The following RUNDC3B variants were observed in gnomAD, a reference collection of about 807,000 sequenced individuals.
RUNDC3B encodes RUN domain containing 3B, also known as RUN domain-containing protein 3B.
RUNDC3B carries 33 observed loss-of-function variants against 58.4 expected under a neutral mutation model. The ratio of observed to expected loss-of-function variants is 0.56; its 90% CI spans 0.43 to 0.75. The LOEUF (loss-of-function observed/expected upper bound fraction) is 0.75, where lower values mean the gene tolerates loss of function less well. RUNDC3B is among the 30% of genes least tolerant of loss of function. RUNDC3B has a pLI of 0.00. For synonymous variants in RUNDC3B, 193 were observed against 195.2 expected, an observed-to-expected ratio of 0.99 and a Z score of 0.10; for missense variants, 501 against 535.7, an observed-to-expected ratio of 0.94 and a Z score of 0.64.
At chr7:87,735,446 A>T (rs1831869854) in intron 4 of RUNDC3B, among the ~76,000 whole-genome samples, 1 of 152,198 alleles carries the variant, frequency 6.6e-6, no homozygotes, top group African/African-American at 2.4e-5. Flanking sequence ...GCTCCTACTT[A>T]AAACATTGAA....
intron 1 of RUNDC3B, among the ~76,000 whole-genome samples, chr7:87,642,794 A>T (rs1244071014): frequency 1.3e-5 from 2 of 152,186 alleles, no homozygotes; most frequent in Non-Finnish European, 2.9e-5. Context: ...GCAATACAAG[A>T]TGTTAATAAT....
intron 8 of RUNDC3B, among the ~76,000 whole-genome samples, chr7:87,798,592 T>C (rs1050337739): frequency 6.6e-6 from 1 of 152,236 alleles, no homozygotes; most frequent in Non-Finnish European, 1.5e-5. Flanking sequence ...CAAGCTCATC[T>C]TGTATATTTA....
In RUNDC3B at chr7:87,681,634, G is replaced by A. The variant is rs368374661; in HGVS notation, c.239-18787G>A. Among the ~76,000 whole-genome samples the A allele has an allele frequency of 2.2e-4, 33 of 150,656 alleles. 2 individuals carry two copies. The East Asian group carries it at 3.8e-3, about 17-fold the overall frequency. On this transcript the variant is annotated intron_variant, in intron 2 of 10. Transcript: ENST00000394654. ...TCAGCAAGTCATTACCTTTTTGCTG[G>A]TGGAGGGTCTTGCCTCAATATTGAT... is the stretch of plus-strand genomic sequence containing the variant.
At chr7:87,729,243 CA>C (rs201849982) in intron 4 of RUNDC3B, among the ~76,000 whole-genome samples, 9 of 149,898 alleles carry the variant, frequency 6.0e-5, no homozygotes, top group Non-Finnish European at 1.3e-4. Flanking sequence ...ACTATCCGAA[CA>C]AAAAAAAACA....
intron 6 of RUNDC3B, among the ~76,000 whole-genome samples, chr7:87,752,185 T>C (rs1318062747): frequency 6.6e-6 from 1 of 152,230 alleles, no homozygotes; most frequent in African/African-American, 2.4e-5. Flanking sequence ...ATTTATTGAT[T>C]TGTGTATATG....
At chr7:87,816,833 G>A (rs1182074502) in intron 10 of RUNDC3B, among the ~76,000 whole-genome samples, 1 of 152,106 alleles carries the variant, frequency 6.6e-6, no homozygotes, top group Non-Finnish European at 1.5e-5. Flanking sequence ...AGGCTAGTTT[G>A]AATTATATGG....
chr7:87,782,885 C>G (rs1336612825), intron 8 of RUNDC3B, among the ~76,000 whole-genome samples: 8 of 152,050 alleles, frequency 5.3e-5, no homozygotes, highest in Admixed American at 5.2e-4. Context: ...TATGGCCAAG[C>G]ATGTGGTCAA....
At chr7:87,824,868 G>A (rs995487539) in intron 10 of RUNDC3B, among the ~76,000 whole-genome samples, 5 of 152,156 alleles carry the variant, frequency 3.3e-5, no homozygotes, top group Admixed American at 3.3e-4. Flanking sequence ...CTTTGAACTT[G>A]AAAGAGATGA....
chr7:87,770,560 T>C lies in RUNDC3B; in HGVS notation c.630-21T>C, dbSNP rs1417054377. The C allele has an allele frequency of 1.9e-6, 3 of 1,588,654 alleles. No homozygotes were observed. The Admixed American group carries it at 5.4e-5, about 29-fold the overall frequency. On this transcript the variant is annotated intron_variant, in intron 6 of 10. Coordinates refer to ENST00000394654, the MANE Select transcript of RUNDC3B (RefSeq NM_001134405.2). The stretch of plus-strand genomic sequence containing the variant: ...GTTGGAACATATTTTTAACTTTTTT[T>C]TAAAATTTTGATCTTCCCAGTTCTG...
At chr7:87,704,769 G>A (rs1829438991) in intron 3 of RUNDC3B, among the ~76,000 whole-genome samples, 1 of 152,130 alleles carries the variant, frequency 6.6e-6, no homozygotes, top group South Asian at 2.1e-4. Flanking sequence ...AGTTATGCTG[G>A]GAAGAGTCTG....
chr7:87,708,754 A>G (rs1829820217), intron 3 of RUNDC3B, among the ~76,000 whole-genome samples: 1 of 152,070 alleles, frequency 6.6e-6, no homozygotes, highest in Non-Finnish European at 1.5e-5. Context: ...TGGTAAAATG[A>G]ATTTCTTCTC....
intron 2 of RUNDC3B, among the ~76,000 whole-genome samples, chr7:87,671,774 T>TTCCGGTTGCC (rs1825846735): frequency 6.6e-6 from 1 of 152,114 alleles, no homozygotes; most frequent in Admixed American, 6.5e-5. Context: ...GGAGGTCCAC[T>TTCCGGTTGCC]TCAGCCCCCG....
intron 10 of RUNDC3B, among the ~76,000 whole-genome samples, chr7:87,822,474 G>C (rs1371266764): frequency 6.6e-6 from 1 of 152,194 alleles, no homozygotes; most frequent in African/African-American, 2.4e-5. Flanking sequence ...GTGGAAGTCA[G>C]TGTGGCTATT....
At chr7:87,758,461 A>C (rs1833495517) in intron 6 of RUNDC3B, among the ~76,000 whole-genome samples, 1 of 152,234 alleles carries the variant, frequency 6.6e-6, no homozygotes, top group Non-Finnish European at 1.5e-5. Flanking sequence ...CAACCAAAGC[A>C]AAAATGGACA....
intron 8 of RUNDC3B, among the ~76,000 whole-genome samples, chr7:87,805,012 G>A (rs2130930243): frequency 6.6e-6 from 1 of 152,240 alleles, no homozygotes; most frequent in South Asian, 2.1e-4. Context: ...CAATTCTTGT[G>A]CACAAATAGA....
chr7:87,679,896 C>T (rs1826755307), intron 2 of RUNDC3B, among the ~76,000 whole-genome samples: 1 of 150,554 alleles, frequency 6.6e-6, no homozygotes, highest in Admixed American at 6.6e-5. Flanking sequence ...TCTGAAAAAT[C>T]ACCAAATGTT....
intron 6 of RUNDC3B, among the ~76,000 whole-genome samples, chr7:87,770,348 C>T (rs1161301874): frequency 6.6e-6 from 1 of 152,038 alleles, no homozygotes; most frequent in African/African-American, 2.4e-5. Flanking sequence ...TATCTGTAAA[C>T]CCACTTGAAC....
At chr7:87,794,625 C>CAA (rs199533628) in intron 8 of RUNDC3B, among the ~76,000 whole-genome samples, 2 of 122,528 alleles carry the variant, frequency 1.6e-5, no homozygotes, top group African/African-American at 2.8e-5. Flanking sequence ...TTTATAGAAA[C>CAA]AAAAAAAAAA....
intron 4 of RUNDC3B, among the ~76,000 whole-genome samples, chr7:87,737,842 T>C (rs1584054033): frequency 6.6e-6 from 1 of 152,146 alleles, no homozygotes; most frequent in East Asian, 1.9e-4. Context: ...GCTTAGAAAA[T>C]TTACTTATTT....
Sources: gnomAD v4.1 joint callset for allele counts (sites outside exome capture counted in the v4.1 genomes callset) on GRCh38, gnomAD v4.1.1 for gene constraint, MANE v1.5 for transcripts, NCBI Gene and HGNC (gene_info 2026-07-23, HGNC 2026-07-21) for gene names.